The following XPO7 variants were observed in gnomAD, a reference collection of about 807,000 sequenced individuals.
The protein encoded by XPO7 is exportin-7.
XPO7 carries 21 observed loss-of-function variants against 144.3 expected under a neutral mutation model. The ratio of observed to expected loss-of-function variants is 0.15; its 90% CI spans 0.10 to 0.21. The LOEUF (loss-of-function observed/expected upper bound fraction) is 0.21, where lower values mean the gene tolerates loss of function less well. Among genes scored for constraint, XPO7 ranks in the 10% least tolerant of loss-of-function variants. XPO7 has a pLI of 1.00. For missense variants in XPO7, 808 were observed against 1,325.8 expected, an observed-to-expected ratio of 0.61 and a Z score of 6.06; for synonymous variants, 580 against 499.6, an observed-to-expected ratio of 1.16 and a Z score of -2.15.
At chr8:22,002,056 A>G in intron 24 of XPO7, 56 bp from the exon 25 acceptor site, 1 of 1,544,160 alleles carries the variant, frequency 6.5e-7, no homozygotes, top group Non-Finnish European at 8.8e-7. Flanking sequence ...GATAGTCCAT[A>G]TTTGTCCAGG....
chr8:21,921,993 T>C (rs1342347826), intron 1 of XPO7, among the ~76,000 whole-genome samples: 1 of 152,082 alleles, frequency 6.6e-6, no homozygotes, highest in African/African-American at 2.4e-5. Flanking sequence ...AATGAGTAAA[T>C]AAAGGATTCA....
chr8:22,004,025 A>G lies in XPO7; in HGVS notation c.3165A>G (p.Arg1055=). 1 of 1,613,918 alleles carries G rather than the reference A, an allele frequency of 6.2e-7. No individual in the cohort carries two copies. Among genetic ancestry groups the G allele is most frequent in the South Asian group, 1.1e-5 (1 of 91,064 alleles). ...GIERNLLTKN[R]DRFTQNLSAF... is the part of the protein sequence containing the mutation. ...AGCGAAATCTTCTTACGAAAAACAG[A>G]GACAGGTGAGTATAAAGCGTCCTGC... The change falls in exon 27 of 28, where the codon AGA becomes AGG. Residue 1055 remains arginine (R), a synonymous_variant. Coordinates refer to ENST00000252512, the MANE Select transcript of XPO7 (RefSeq NM_015024.5).
intron 1 of XPO7, among the ~76,000 whole-genome samples, chr8:21,923,331 T>C (rs973282784): frequency 2.6e-5 from 4 of 152,152 alleles, no homozygotes; most frequent in African/African-American, 9.7e-5. Context: ...AAAGAATACA[T>C]TGATTTCAAA....
At chr8:21,966,290 G>C (rs1223268645) in intron 1 of XPO7, 2 of 780,494 alleles carry the variant, frequency 2.6e-6, no homozygotes, top group Admixed American at 3.4e-5. Flanking sequence ...CTGAACTTTA[G>C]ACATGAGGGA....
chr8:21,962,051 T>C (rs577951635), intron 1 of XPO7, among the ~76,000 whole-genome samples: 4 of 152,248 alleles, frequency 2.6e-5, no homozygotes, highest in Non-Finnish European at 5.9e-5. Flanking sequence ...TTCATTTGTT[T>C]ATTGGCTGCT....
In XPO7 at chr8:21,995,628, A is replaced by G. The variant is rs778806223; in HGVS notation, c.2345+29A>G. 3.3e-6 allele frequency: 5 copies of G among 1,523,560 alleles called. No individual in the cohort carries two copies. The African/African-American group carries it at 6.8e-5, about 21-fold the overall frequency. The allele number at this position is 1,523,560 out of a possible 1,614,324, so 94.4% of individuals were successfully genotyped here. On this transcript the variant is annotated intron_variant, in intron 21 of 27. Transcript: ENST00000252512. ...AGCAGGAGGCAGAGCTTGCAAGGGC[A>G]CATCTGCCCTGTTATCTGAGAGAAT...
rs1813169084 is a variant in XPO7, at chr8:22,002,101, C to G, written c.2783-11C>G. The G allele has an allele frequency of 2.5e-6, 4 of 1,603,318 alleles. No homozygotes were observed. Among genetic ancestry groups the G allele is most frequent in the Non-Finnish European group, 3.4e-6 (4 of 1,174,800 alleles). ...GCAGCTCTGTCCTACCCCTGCCTTTCTTTCTTGCAGACACCATGGTATGCA... is the reference window on the plus strand; with the variant it reads ...GCAGCTCTGTCCTACCCCTGCCTTTGTTTCTTGCAGACACCATGGTATGCA... On this transcript the variant is annotated splice_polypyrimidine_tract_variant and intron_variant, in intron 24 of 27. Transcript: ENST00000252512.
chr8:22,003,156 G>C (rs868476260), intron 25 of XPO7, 63 bp from the exon 26 acceptor site: 6 of 1,318,288 alleles, frequency 4.6e-6, no homozygotes, highest in Middle Eastern at 1.8e-4. Context: ...TTTGGAATCT[G>C]TCGTTTTATC....
intron 11 of XPO7, 103 bp downstream of exon 11, chr8:21,982,915 A>C: frequency 6.6e-6 from 9 of 1,371,662 alleles, no homozygotes; most frequent in African/African-American, 1.5e-5. Flanking sequence ...AGCGTGTCTC[A>C]TTGGAGCCAC....
intron 23 of XPO7, 64 bp from the exon 24 acceptor site, chr8:21,999,472 C>T (rs367734055): frequency 1.1e-5 from 17 of 1,599,878 alleles, no homozygotes; most frequent in African/African-American, 8.1e-5. Flanking sequence ...TATTTAAGAT[C>T]GTCTCCCTGC....
At chr8:21,941,402 T>G (rs575858021) in intron 1 of XPO7, among the ~76,000 whole-genome samples, 1 of 152,322 alleles carries the variant, frequency 6.6e-6, no homozygotes, top group East Asian at 1.9e-4. Context: ...CCCTCTCGCC[T>G]TGGCCTTCCA....
At chr8:21,987,758 T>C (rs753847084) in intron 14 of XPO7, 26 bp from the exon 15 acceptor site, 2 of 1,612,882 alleles carry the variant, frequency 1.2e-6, no homozygotes, top group African/African-American at 1.3e-5. Flanking sequence ...TCATGTGTTC[T>C]GGTTACTTTC....
intron 1 of XPO7, among the ~76,000 whole-genome samples, chr8:21,957,723 C>T (rs1158695125): frequency 6.6e-6 from 1 of 152,166 alleles, no homozygotes; most frequent in African/African-American, 2.4e-5. Context: ...TCTTATGAAG[C>T]TCCTACTGTG....
rs1463406962 is a variant in XPO7 at position 21,966,952 on chromosome 8, C to T, written c.114C>T (p.Thr38=). Reference sequence around the variant, plus strand: ...CAGAGAAAGCCTTGGTTGAATTTACCAACAGCCCTGATTGCCTGAGCAAGT... The same window carrying T: ...CAGAGAAAGCCTTGGTTGAATTTACTAACAGCCCTGATTGCCTGAGCAAGT... ...LQAEKALVEF[T]NSPDCLSKCQ... is the part of the protein sequence containing the mutation. Residue 38 remains threonine (T), a synonymous_variant, in exon 2 of 28, where the codon ACC becomes ACT. Transcript: ENST00000252512. 6.2e-7 allele frequency: 1 copy of T among 1,613,960 alleles called. No individual in the cohort carries two copies. Among genetic ancestry groups the T allele is most frequent in the South Asian group, 1.1e-5 (1 of 91,076 alleles).
At chr8:21,989,209 C>A (rs934117646) in intron 16 of XPO7, 126 bp downstream of exon 16, 1 of 914,314 alleles carries the variant, frequency 1.1e-6, no homozygotes, top group Non-Finnish European at 1.6e-6. Context: ...TTCCATTTTC[C>A]TAGGAGTCCA....
At chr8:21,950,014 C>T (rs536519626) in intron 1 of XPO7, among the ~76,000 whole-genome samples, 5 of 152,310 alleles carry the variant, frequency 3.3e-5, no homozygotes, top group South Asian at 2.1e-4. Context: ...TGTGACACAC[C>T]GTACTGGGCC....
At chr8:21,925,413 G>A (rs1020320174) in intron 1 of XPO7, among the ~76,000 whole-genome samples, 6 of 152,156 alleles carry the variant, frequency 3.9e-5, no homozygotes, top group South Asian at 2.1e-4. Flanking sequence ...AATGCTCACC[G>A]CAGCAATGTA....
At chr8:21,993,185 GAT>G (rs1376646842) in intron 19 of XPO7, among the ~76,000 whole-genome samples, 1 of 152,156 alleles carries the variant, frequency 6.6e-6, no homozygotes, top group East Asian at 1.9e-4. Flanking sequence ...AGGATTTAGG[GAT>G]ATCAGTGAAT....
intron 15 of XPO7, 92 bp from the exon 16 acceptor site, chr8:21,988,910 CT>C: frequency 8.5e-7 from 1 of 1,183,396 alleles, no homozygotes; most frequent in Non-Finnish European, 1.2e-6. Flanking sequence ...TGTGTGGTGA[CT>C]TTTGATGAAT....
Sources: allele counts gnomAD v4.1 joint callset (sites outside exome capture counted in the v4.1 genomes callset), GRCh38; gene constraint gnomAD v4.1.1; transcripts MANE v1.5; gene names NCBI Gene and HGNC (gene_info 2026-07-23, HGNC 2026-07-21).